Variants in PDE1A observed in about 807,000 individuals in gnomAD.
PDE1A encodes the protein phosphodiesterase 1A, also known as dual specificity calcium/calmodulin-dependent 3',5'-cyclic nucleotide phosphodiesterase 1A.
In PDE1A, 35 loss-of-function variants were observed where a neutral mutation model predicts 61.7. That is an observed-to-expected ratio of 0.57 (90% CI 0.43 to 0.75). PDE1A has a LOEUF of 0.75. Among genes scored for constraint, PDE1A ranks in the 30% least tolerant of loss-of-function variants. The pLI is 0.00. For synonymous variants in PDE1A, 232 were observed against 213.2 expected, an observed-to-expected ratio of 1.09 and a Z score of -0.77; for missense variants, 597 against 630.6, an observed-to-expected ratio of 0.95 and a Z score of 0.57.
At chr2:182,251,863 G>A (rs1416448338) in intron 2 of PDE1A, among the ~76,000 whole-genome samples, 1 of 152,128 alleles carries the variant, frequency 6.6e-6, no homozygotes, top group Non-Finnish European at 1.5e-5. Flanking sequence ...TTATCTGTAT[G>A]TTACTTGACT....
intron 1 of PDE1A, among the ~76,000 whole-genome samples, chr2:182,366,834 G>A (rs1699863647): frequency 6.6e-6 from 1 of 151,934 alleles, no homozygotes; most frequent in Admixed American, 6.6e-5. Context: ...TGGCAGTCGT[G>A]GCTAATGTGG....
At chr2:182,585,965 C>A in the PDE1A span, among the ~76,000 whole-genome samples, 1 of 152,062 alleles carries the variant, frequency 6.6e-6, no homozygotes, top group East Asian at 1.9e-4. Context: ...TATTACCATG[C>A]TTGACCATGT....
chr2:182,650,770 GA>G, the PDE1A span, among the ~76,000 whole-genome samples: 1 of 152,150 alleles, frequency 6.6e-6, no homozygotes, highest in Non-Finnish European at 1.5e-5. Flanking sequence ...CGGCATTAAA[GA>G]ACTTAAACCA....
At chr2:182,221,517 AAAC>A (rs781148382) in intron 7 of PDE1A, among the ~76,000 whole-genome samples, 9 of 152,072 alleles carry the variant, frequency 5.9e-5, no homozygotes, top group Non-Finnish European at 8.8e-5. Flanking sequence ...ATGGGTAGAA[AAAC>A]AACATTCCTG....
chr2:182,646,632 C>A, the PDE1A span, among the ~76,000 whole-genome samples: 26 of 151,260 alleles, frequency 1.7e-4, no homozygotes, highest in African/African-American at 6.3e-4. Flanking sequence ...TGCAGTGAGC[C>A]GAGATCGCGC....
the PDE1A span, among the ~76,000 whole-genome samples, chr2:182,539,235 T>G: frequency 0.69 from 105,380 of 152,064 alleles, 40,457 homozygotes; most frequent in East Asian, 0.99. Context: ...CCAAGTTATC[T>G]GAATCAAACT....
the PDE1A span, among the ~76,000 whole-genome samples, chr2:182,662,762 T>C: frequency 5.3e-5 from 8 of 152,154 alleles, no homozygotes; most frequent in East Asian, 1.9e-4. Context: ...ATTCTGGACA[T>C]AGAAACAGTC....
At chr2:182,171,182 C>T (rs1559134255) in intron 13 of PDE1A, among the ~76,000 whole-genome samples, 1 of 151,916 alleles carries the variant, frequency 6.6e-6, no homozygotes, top group Non-Finnish European at 1.5e-5. Flanking sequence ...AACTCAGTAA[C>T]TCGTGATATT....
intron 1 of PDE1A, among the ~76,000 whole-genome samples, chr2:182,341,503 C>T (rs532517300): frequency 6.6e-6 from 1 of 152,294 alleles, no homozygotes; most frequent in African/African-American, 2.4e-5. Flanking sequence ...CAATCTACCT[C>T]ATAGTTCCCT....
chr2:182,616,228 G>A, the PDE1A span, among the ~76,000 whole-genome samples: 1 of 152,076 alleles, frequency 6.6e-6, no homozygotes, highest in Non-Finnish European at 1.5e-5. Context: ...GGCACTTTTG[G>A]AGCCTATGGC....
chr2:182,353,964 A>C (rs1308310485), intron 1 of PDE1A, among the ~76,000 whole-genome samples: 1 of 152,242 alleles, frequency 6.6e-6, no homozygotes, highest in East Asian at 1.9e-4. Context: ...TATGTACTGT[A>C]TACCTTTGAA....
intron 2 of PDE1A, among the ~76,000 whole-genome samples, chr2:182,455,604 G>T (rs560305882): frequency 7.9e-5 from 12 of 152,244 alleles, no homozygotes; most frequent in African/African-American, 2.9e-4. Context: ...CATTTCCTTT[G>T]CAGGGAGATG....
the PDE1A span, among the ~76,000 whole-genome samples, chr2:182,639,378 G>A: frequency 6.6e-6 from 1 of 152,062 alleles, no homozygotes; most frequent in Admixed American, 6.6e-5. Flanking sequence ...GACCAGCCTG[G>A]CCAATGTGGC....
At chr2:182,700,868 G>C in the PDE1A span, among the ~76,000 whole-genome samples, 7 of 151,876 alleles carry the variant, frequency 4.6e-5, no homozygotes, top group African/African-American at 1.7e-4. Flanking sequence ...AAGGAGCTGA[G>C]ACCACACCAC....
At chr2:182,422,851 A>G (rs186228575) in intron 1 of PDE1A, among the ~76,000 whole-genome samples, 25 of 152,358 alleles carry the variant, frequency 1.6e-4, no homozygotes, top group African/African-American at 5.5e-4. Context: ...TTTTAAAGAT[A>G]TATGTACAGT....
chr2:182,343,989 G>C (rs1698360462), intron 1 of PDE1A, among the ~76,000 whole-genome samples: 1 of 151,442 alleles, frequency 6.6e-6, no homozygotes, highest in Admixed American at 6.6e-5. Context: ...TCCTATCTCA[G>C]CTTCCCAAGT....
At chr2:182,324,199 G>A (rs1263534515) in intron 1 of PDE1A, among the ~76,000 whole-genome samples, 4 of 151,782 alleles carry the variant, frequency 2.6e-5, no homozygotes, top group South Asian at 2.1e-4. Context: ...TTTCAGTTTC[G>A]TTGAGGAGGG....
At chr2:182,463,596 A>T (rs1174555631) in intron 2 of PDE1A, 3 of 152,208 alleles carry the variant, frequency 2.0e-5, no homozygotes, top group Non-Finnish European at 4.4e-5. Context: ...TGGAAGACAT[A>T]CTTTTATTTT....
chr2:182,688,455 ATACTT>A, the PDE1A span, among the ~76,000 whole-genome samples: 3 of 152,208 alleles, frequency 2.0e-5, no homozygotes, highest in African/African-American at 7.2e-5. Flanking sequence ...GAGAAATAAA[ATACTT>A]TACACACAAG....
Sources: gnomAD v4.1 joint callset for allele counts (sites outside exome capture counted in the v4.1 genomes callset) on GRCh38, gnomAD v4.1.1 for gene constraint, MANE v1.5 for transcripts, NCBI Gene and HGNC (gene_info 2026-07-23, HGNC 2026-07-21) for gene names.